The following ADGRV1 variants were observed in gnomAD, a reference collection of about 807,000 sequenced individuals.
ADGRV1 encodes the protein G-protein coupled receptor 98.
ADGRV1 carries 359 observed loss-of-function variants against 596.2 expected under a neutral mutation model. That is an observed-to-expected ratio of 0.60 (90% CI 0.55 to 0.66). ADGRV1 has a LOEUF of 0.66. Among genes scored for constraint, ADGRV1 ranks in the 30% least tolerant of loss-of-function variants. The pLI, the probability that ADGRV1 is intolerant of heterozygous loss-of-function variation, is 0.00. For synonymous variants in ADGRV1, 2,681 were observed against 2,679.2 expected, an observed-to-expected ratio of 1.00 and a Z score of -0.02; for missense variants, 7,274 against 7,575.6, an observed-to-expected ratio of 0.96 and a Z score of 1.48.
At chr5:90,809,787 G>A (rs1249873372) in intron 73 of ADGRV1, among the ~76,000 whole-genome samples, 1 of 152,208 alleles carries the variant, frequency 6.6e-6, no homozygotes, top group Non-Finnish European at 1.5e-5. Context: ...TTGCATGAGA[G>A]GTTAGTTCCA....
chr5:90,799,430 A>G (rs1384945759), intron 70 of ADGRV1, among the ~76,000 whole-genome samples: 1 of 152,248 alleles, frequency 6.6e-6, no homozygotes, highest in Non-Finnish European at 1.5e-5. Context: ...ATAAGAGAGG[A>G]CACAAACAAA....
At chr5:91,023,474 G>T (rs1217917087) in intron 85 of ADGRV1, among the ~76,000 whole-genome samples, 1 of 152,100 alleles carries the variant, frequency 6.6e-6, no homozygotes, top group Non-Finnish European at 1.5e-5. Context: ...AAATGAAAAG[G>T]TATATATGTG....
In ADGRV1 at chr5:90,614,938, T is replaced by G; in HGVS notation, c.126T>G (p.Val42=). ...GATTTACTGGACAAACTGAATTTGT[T>G]GTTAATGAAACAAGTACAACAGTTA... ...EIRFTGQTEF[V]VNETSTTVIR... is the part of the protein sequence containing the mutation. Residue 42 remains valine, a synonymous_variant, in exon 2 of 90, where the codon GTT becomes GTG. Transcript: ENST00000405460. The G allele has an allele frequency of 3.9e-5, 62 of 1,599,292 alleles. No individual in the cohort carries two copies. The highest frequency in any genetic ancestry group is 5.3e-5 in the Non-Finnish European group (62 of 1,171,304).
intron 11 of ADGRV1, among the ~76,000 whole-genome samples, chr5:90,638,685 C>T (rs1333220234): frequency 6.6e-6 from 1 of 151,994 alleles, no homozygotes; most frequent in East Asian, 1.9e-4. Flanking sequence ...GAGAAGGTTA[C>T]TGTGACTTGA....
chr5:90,646,003 A>G lies in ADGRV1; in HGVS notation c.2934A>G (p.Leu978=), dbSNP rs758880156. 1.4e-5 allele frequency: 23 copies of G among 1,604,088 alleles called. No homozygotes were observed. Among genetic ancestry groups the G allele is most frequent in the Non-Finnish European group, 1.9e-5 (22 of 1,174,504 alleles). Residue 978 remains leucine, a synonymous_variant, in exon 16 of 90, where the codon CTA becomes CTG. Coordinates refer to ENST00000405460, the MANE Select transcript of ADGRV1 (RefSeq NM_032119.4). ...AAATGGAAGAATTTACCGTTATCCTACTGAATGGCACTGGAGGAGCTAAAG... is the reference window on the plus strand; with the variant it reads ...AAATGGAAGAATTTACCGTTATCCTGCTGAATGGCACTGGAGGAGCTAAAG... ...PEEMEEFTVI[L]LNGTGGAKVG...
intron 85 of ADGRV1, among the ~76,000 whole-genome samples, chr5:91,065,893 G>C (rs1787842475): frequency 6.6e-6 from 1 of 152,132 alleles, no homozygotes; most frequent in African/African-American, 2.4e-5. Context: ...ACAAGACTTT[G>C]AAGTGAATTA....
chr5:91,021,002 G>A (rs1783589078), intron 85 of ADGRV1, among the ~76,000 whole-genome samples: 1 of 151,980 alleles, frequency 6.6e-6, no homozygotes, highest in Non-Finnish European at 1.5e-5. Context: ...TTGCTAATAT[G>A]TAAATGAGAG....
intron 77 of ADGRV1, among the ~76,000 whole-genome samples, chr5:90,839,526 ACAGCAGCATC>A (rs1481411338): frequency 6.6e-6 from 1 of 152,024 alleles, no homozygotes; most frequent in East Asian, 1.9e-4. Flanking sequence ...CACCTCTCTT[ACAGCAGCATC>A]CAGCACTCTC....
At chr5:90,857,599 T>G (rs1361419652) in intron 82 of ADGRV1, among the ~76,000 whole-genome samples, 1 of 152,182 alleles carries the variant, frequency 6.6e-6, no homozygotes, top group African/African-American at 2.4e-5. Context: ...TTATCACTTT[T>G]GACTTGGAGT....
rs962892171 is a variant in ADGRV1, at chr5:90,723,498, G to A, written c.9749-1334G>A. On this transcript the variant is annotated intron_variant, in intron 45 of 89. Coordinates refer to ENST00000405460, the MANE Select transcript of ADGRV1 (RefSeq NM_032119.4). ...GGAAGTACTCATGAGAGCACATGTC[G>A]GAGATTCTTAATTGTTAGCAGTCAT... Among the ~76,000 whole-genome samples, 5 of 152,142 alleles carry A rather than the reference G, an allele frequency of 3.3e-5. No homozygotes were observed. In the South Asian group the frequency reaches 1.0e-3, roughly 32 times the overall value.
At chr5:91,064,104 A>G (rs1382130745) in intron 85 of ADGRV1, among the ~76,000 whole-genome samples, 1 of 152,206 alleles carries the variant, frequency 6.6e-6, no homozygotes, top group Non-Finnish European at 1.5e-5. Context: ...TTTCTATGCC[A>G]TATTTTTAAG....
At chr5:91,039,889 G>T (rs1315809463) in intron 85 of ADGRV1, among the ~76,000 whole-genome samples, 8 of 152,076 alleles carry the variant, frequency 5.3e-5, no homozygotes, top group African/African-American at 1.9e-4. Context: ...TGGGAGTGGT[G>T]GTTTAATTTG....
chr5:91,158,366 A>G (rs1045900849), intron 89 of ADGRV1, among the ~76,000 whole-genome samples: 4 of 152,214 alleles, frequency 2.6e-5, no homozygotes, highest in South Asian at 2.1e-4. Flanking sequence ...GTAGAAGATA[A>G]AAGCTTTTTC....
At chr5:91,061,122 C>G (rs1277054192) in intron 85 of ADGRV1, among the ~76,000 whole-genome samples, 1 of 152,100 alleles carries the variant, frequency 6.6e-6, no homozygotes, top group Non-Finnish European at 1.5e-5. Flanking sequence ...CTTTTTGGAG[C>G]AAGAGGTAAG....
Position 90,643,801 on chromosome 5 carries a change from A to C in ADGRV1, c.2554-2A>C, listed in dbSNP as rs1240174453. On this transcript the variant is annotated splice_acceptor_variant, in intron 13 of 89. Coordinates refer to ENST00000405460, the MANE Select transcript of ADGRV1 (RefSeq NM_032119.4). LOFTEE classifies it high-confidence loss of function. Reference sequence around the variant, plus strand: ...TTCCATACTTTGACACATTCACTTTAGTTGGATGAACACTACTGGGTGGTC... The same window carrying C: ...TTCCATACTTTGACACATTCACTTTCGTTGGATGAACACTACTGGGTGGTC... The C allele has an allele frequency of 6.3e-7, 1 of 1,592,064 alleles. No individual in the cohort carries two copies. Among genetic ancestry groups the C allele is most frequent in the East Asian group, 2.2e-5 (1 of 44,468 alleles).
In ADGRV1 at chr5:90,653,545, G is replaced by A; in HGVS notation, c.3971G>A (p.Gly1324Glu). The change falls in exon 20 of 90, where the codon GGA (glycine) becomes GAA (glutamate). Residue 1324 changes from glycine to glutamate, a missense_variant. Physicochemically the swap from Gly to Glu is moderately conservative, Grantham distance 98. Around this residue, in one of 5 missense-constraint regions of ADGRV1, gnomAD observed 1,715 missense variants for 1,708.8 expected, o/e 1.00. Coordinates refer to ENST00000405460, the MANE Select transcript of ADGRV1 (RefSeq NM_032119.4). Reference protein sequence around the residue: ...LQQHMRRHHSGTDALYFTGLE... With the variant: ...LQQHMRRHHSETDALYFTGLE... The stretch of plus-strand genomic sequence containing the variant: ...CAGCACATGCGGCGTCACCACAGTG[G>A]AACGGATGCTTTGTACTTTACCGGA... 1 of 1,613,888 alleles carries A rather than the reference G, an allele frequency of 6.2e-7. No individual in the cohort carries two copies. The highest frequency in any genetic ancestry group is 2.2e-5 in the East Asian group (1 of 44,880).
At chr5:90,704,262 G>A (rs1405145670) in intron 35 of ADGRV1, 127 bp from the exon 36 acceptor site, 1 of 644,168 alleles carries the variant, frequency 1.6e-6, no homozygotes, top group African/African-American at 1.9e-5. Context: ...TTATTTTTAA[G>A]CCACAGAACT....
chr5:90,822,595 C>G (rs1198590362), intron 75 of ADGRV1, among the ~76,000 whole-genome samples: 1 of 152,260 alleles, frequency 6.6e-6, no homozygotes, highest in South Asian at 2.1e-4. Flanking sequence ...TGGCTTAGGA[C>G]TGACTCGGCG....
chr5:90,946,377 A>G (rs1776577779), intron 83 of ADGRV1, among the ~76,000 whole-genome samples: 1 of 152,194 alleles, frequency 6.6e-6, no homozygotes, highest in Admixed American at 6.5e-5. Context: ...AACTTTGGCA[A>G]AAGATAACAT....
Sources: allele counts gnomAD v4.1 joint callset (sites outside exome capture counted in the v4.1 genomes callset), GRCh38; gene constraint gnomAD v4.1.1; regional missense constraint gnomAD v4.1.1; transcripts MANE v1.5; gene names NCBI Gene and HGNC (gene_info 2026-07-23, HGNC 2026-07-21).